MGAT4C: variants seen among roughly 807,000 people sequenced by gnomAD.
MGAT4C encodes alpha-1,3-mannosyl-glycoprotein 4-beta-N-acetylglucosaminyltransferase C.
MGAT4C carries 19 observed loss-of-function variants against 40.1 expected under a neutral mutation model. The observed-to-expected ratio is 0.47, with a 90% CI of 0.33 to 0.70. MGAT4C has a LOEUF of 0.70. Ranked by LOEUF, MGAT4C falls within the 30% of genes least tolerant of loss-of-function variation. The pLI, the probability that MGAT4C is intolerant of heterozygous loss-of-function variation, is 0.02. For synonymous variants in MGAT4C, 181 were observed against 187.1 expected (o/e 0.97, Z 0.27); for missense variants, 491 against 563.2 (o/e 0.87, Z 1.30).
intron 2 of MGAT4C, among the ~76,000 whole-genome samples, chr12:86,659,969 G>A (rs1963941937): frequency 6.7e-6 from 1 of 150,140 alleles, no homozygotes; most frequent in Middle Eastern, 3.5e-3. Flanking sequence ...ATGTCAGAAC[G>A]AGGAAGCAAA....
At chr12:86,257,660 T>C (rs1411808716), upstream of MGAT4C, among the ~76,000 whole-genome samples, 1 of 152,236 alleles carries the variant, frequency 6.6e-6, no homozygotes, top group African/African-American at 2.4e-5. Context: ...TTATTTTTAC[T>C]CAATGGCCTC....
chr12:86,748,360 G>A (rs1015090582), intron 1 of MGAT4C, among the ~76,000 whole-genome samples: 1 of 151,650 alleles, frequency 6.6e-6, no homozygotes, highest in African/African-American at 2.4e-5. Context: ...ATAGAAACTG[G>A]AAGCCTGGCG....
At chr12:86,300,515 C>CA (rs1454537972) in intron 4 of MGAT4C, among the ~76,000 whole-genome samples, 2 of 151,522 alleles carry the variant, frequency 1.3e-5, no homozygotes, top group Non-Finnish European at 3.0e-5. Context: ...GACAGAAAAA[C>CA]AAAAAACAAA....
chr12:86,730,864 G>C (rs1363723640), intron 1 of MGAT4C, among the ~76,000 whole-genome samples: 1 of 151,982 alleles, frequency 6.6e-6, no homozygotes, highest in Non-Finnish European at 1.5e-5. Flanking sequence ...AACAACTATT[G>C]TTATATAATA....
chr12:86,501,568 C>T (rs889579891), intron 2 of MGAT4C, among the ~76,000 whole-genome samples: 3 of 129,700 alleles, frequency 2.3e-5, no homozygotes, highest in Non-Finnish European at 4.7e-5. Context: ...CTGTTCATAT[C>T]CCACTTATAA....
At chr12:86,148,388 T>C (rs839187) in intron 1 of MGAT4C, among the ~76,000 whole-genome samples, 134,858 of 152,270 alleles carry the variant, frequency 0.89, 59,950 homozygotes, top group East Asian at 1. Context: ...AAACAAATTG[T>C]ATATGCAAAA....
intron 1 of MGAT4C, among the ~76,000 whole-genome samples, chr12:86,733,719 C>T (rs1950945694): frequency 6.6e-6 from 1 of 151,844 alleles, no homozygotes; most frequent in South Asian, 2.1e-4. Context: ...TTAAACCAAT[C>T]CAAAAAGCAA....
chr12:85,979,784 A>G lies in MGAT4C; in HGVS notation c.942T>C (p.Tyr314=). Residue 314 remains tyrosine, a synonymous_variant, in exon 5 of 5, where the codon TAT becomes TAC. Coordinates refer to ENST00000611864, the MANE Select transcript of MGAT4C (RefSeq NM_001351288.2). ...TCTCCGTCCCTTTGTATGATGAATA[A>G]TAGCCCATGTGCTGAAAGAGAGATG... ...FKPSLFQHMG[Y]YSSYKGTENK... is the part of the protein sequence containing the mutation. 6.2e-7 allele frequency: 1 copy of G among 1,613,730 alleles called. No individual in the cohort carries two copies. The highest frequency in any genetic ancestry group is 1.1e-5 in the South Asian group (1 of 91,084).
intron 4 of MGAT4C, among the ~76,000 whole-genome samples, chr12:86,327,179 A>T (rs764396171): frequency 5.5e-4 from 83 of 152,176 alleles, no homozygotes; most frequent in Non-Finnish European, 4.3e-4. Flanking sequence ...TTTCCCAGGA[A>T]CTGCCCTCAT....
chr12:86,360,884 T>A (rs1258850606), intron 3 of MGAT4C, among the ~76,000 whole-genome samples: 1 of 152,178 alleles, frequency 6.6e-6, no homozygotes, highest in African/African-American at 2.4e-5. Flanking sequence ...ATAGGAAGAA[T>A]CAATATCGTG....
intron 4 of MGAT4C, among the ~76,000 whole-genome samples, chr12:86,320,441 CTT>C (rs1219043695): frequency 2.0e-5 from 3 of 152,088 alleles, no homozygotes; most frequent in South Asian, 2.1e-4. Flanking sequence ...TTTATTAAGA[CTT>C]AATATTTTTC....
intron 1 of MGAT4C, among the ~76,000 whole-genome samples, chr12:86,766,313 G>A (rs1429009818): frequency 1.3e-5 from 2 of 152,048 alleles, no homozygotes; most frequent in African/African-American, 4.8e-5. Flanking sequence ...AATAAGAAGA[G>A]CTAACTATCC....
At chr12:86,798,124 A>T (rs1952163682) in intron 1 of MGAT4C, among the ~76,000 whole-genome samples, 1 of 151,912 alleles carries the variant, frequency 6.6e-6, no homozygotes, top group Non-Finnish European at 1.5e-5. Flanking sequence ...CCTGTGTGTG[A>T]GATTAACTGA....
At chr12:85,999,562 A>C (rs1006559691) in intron 2 of MGAT4C, among the ~76,000 whole-genome samples, 3 of 129,446 alleles carry the variant, frequency 2.3e-5, no homozygotes, top group African/African-American at 8.6e-5. Context: ...ATAGGTAAAG[A>C]AAATGTGTGT....
At chr12:86,644,358 A>G (rs1398650928) in intron 2 of MGAT4C, among the ~76,000 whole-genome samples, 1 of 151,754 alleles carries the variant, frequency 6.6e-6, no homozygotes, top group East Asian at 1.9e-4. Flanking sequence ...GAAAATGCTC[A>G]TTTATCCTTA....
chr12:86,246,551 C>G (rs1226234338), intron 1 of MGAT4C, among the ~76,000 whole-genome samples: 2 of 152,204 alleles, frequency 1.3e-5, no homozygotes, highest in East Asian at 3.9e-4. Flanking sequence ...ATATTGCTAT[C>G]TTTTGTTCTA....
chr12:86,071,515 T>C (rs146917225), intron 1 of MGAT4C, among the ~76,000 whole-genome samples: 80 of 152,252 alleles, frequency 5.3e-4, no homozygotes, highest in African/African-American at 1.8e-3. Context: ...CATAAGAACA[T>C]ACTTTTATGG....
intron 2 of MGAT4C, among the ~76,000 whole-genome samples, chr12:86,472,542 A>G (rs1957770700): frequency 1.3e-5 from 2 of 152,222 alleles, no homozygotes; most frequent in African/African-American, 4.8e-5. Context: ...GTTCTAATTT[A>G]TTTTCATCCA....
chr12:86,820,301 G>C (rs1952683345), intron 1 of MGAT4C, among the ~76,000 whole-genome samples: 1 of 150,708 alleles, frequency 6.6e-6, no homozygotes, highest in South Asian at 2.1e-4. Context: ...CTATGGGTTG[G>C]TGGGAAGACC....
Sources: allele counts gnomAD v4.1 joint callset (sites outside exome capture counted in the v4.1 genomes callset), GRCh38; gene constraint gnomAD v4.1.1; transcripts MANE v1.5; gene names NCBI Gene and HGNC (gene_info 2026-07-23, HGNC 2026-07-21).